Variants in DNAH14 observed in about 807,000 individuals in gnomAD.
DNAH14 encodes axonemal beta dynein heavy chain 14.
In DNAH14, 478 loss-of-function variants were observed where a neutral mutation model predicts 520.9. The ratio of observed to expected loss-of-function variants is 0.92; its 90% confidence interval spans 0.85 to 0.99. The LOEUF is 0.99. DNAH14 is among the 50% of genes least tolerant of loss of function. The pLI is 0.00. For synonymous variants in DNAH14, 1,581 were observed against 1,757.2 expected (o/e 0.90, Z 2.51); for missense variants, 4,831 against 5,234.5 (o/e 0.92, Z 2.38).
intron 43 of DNAH14, among the ~76,000 whole-genome samples, chr1:225,242,393 GT>G (rs2149647380): frequency 6.6e-6 from 1 of 151,960 alleles, no homozygotes; most frequent in African/African-American, 2.4e-5. Flanking sequence ...TCTTTATTCT[GT>G]TTTTATATTT....
chr1:225,290,664 T>C (rs1374118630), intron 55 of DNAH14, among the ~76,000 whole-genome samples: 1 of 108,380 alleles, frequency 9.2e-6, no homozygotes, highest in Non-Finnish European at 1.8e-5. Flanking sequence ...TATATATATA[T>C]ATATATATAT....
intron 6 of DNAH14, 141 bp downstream of exon 6, chr1:224,967,724 T>G (rs780170097): frequency 1.3e-6 from 2 of 1,569,650 alleles, no homozygotes; most frequent in South Asian, 1.2e-5. Flanking sequence ...AAGAATCTCC[T>G]TGGGAGCATG....
intron 35 of DNAH14, among the ~76,000 whole-genome samples, chr1:225,166,616 GC>G (rs2082068458): frequency 6.6e-6 from 1 of 152,132 alleles, no homozygotes; most frequent in African/African-American, 2.4e-5. Flanking sequence ...CTGTAGTTGT[GC>G]TATTTATACT....
In DNAH14 at chr1:225,381,590, A is replaced by G; in HGVS notation, c.13077+11A>G. ...CCTACATTGTGGCAGGTAAGCAATT[A>G]TTATTATTTCCTATTTTCTTGCTTG... On this transcript the variant is annotated intron_variant, in intron 81 of 85. Transcript: ENST00000682510. 5 of 1,494,110 alleles carry G rather than the reference A, an allele frequency of 3.3e-6. No individual in the cohort carries two copies. The highest frequency in any genetic ancestry group is 3.6e-6 in the Non-Finnish European group (4 of 1,119,848). 92.6% of individuals were successfully genotyped at this position (1,494,110 alleles called of 1,614,324 possible).
intron 74 of DNAH14, among the ~76,000 whole-genome samples, chr1:225,359,079 G>A (rs2095464665): frequency 6.6e-6 from 1 of 152,192 alleles, no homozygotes; most frequent in African/African-American, 2.4e-5. Context: ...TACAATATCA[G>A]CCAAGAGATA....
intron 3 of DNAH14, 79 bp from the exon 4 acceptor site, chr1:224,960,074 A>G: frequency 2.2e-6 from 3 of 1,345,202 alleles, no homozygotes; most frequent in South Asian, 1.6e-5. Flanking sequence ...CATTAACTGT[A>G]TTGCTGGGTA....
chr1:225,304,993 G>T lies in DNAH14; in HGVS notation c.8909G>T (p.Gly2970Val). ...DLNRKYFEETGRFYYTTPNSY... is the reference protein window; with the variant it reads ...DLNRKYFEETVRFYYTTPNSY... ...AACAGAAAATACTTTGAAGAAACTG[G>T]AAGATTTTATTATACCACTCCCAAT... The change falls in exon 58 of 86, where the codon GGA (glycine) becomes GTA (valine). Residue 2970 changes from glycine to valine, a missense_variant. Coordinates refer to ENST00000682510, the MANE Select transcript of DNAH14 (RefSeq NM_001367479.1). 1.3e-6 allele frequency: 2 copies of T among 1,547,346 alleles called. No homozygotes were observed. The highest frequency in any genetic ancestry group is 2.4e-5 in the South Asian group (2 of 82,234).
rs555019674 is a variant in DNAH14 at position 225,289,750 on chromosome 1, C to T, written c.8272-135C>T. 7 of 538,424 alleles carry T rather than the reference C, an allele frequency of 1.3e-5. No individual in the cohort carries two copies. In the South Asian group the frequency reaches 2.8e-4, roughly 21 times the overall value. 33.4% of individuals were successfully genotyped at this position (538,424 alleles called of 1,614,324 possible). On this transcript the variant is annotated intron_variant, in intron 54 of 85. Transcript: ENST00000682510. Reference sequence around the variant, plus strand: ...ATTTAAATTATGTTTAATATGACTCCCAAAAGGTTATAAATAAAAATAGTC... The same window carrying T: ...ATTTAAATTATGTTTAATATGACTCTCAAAAGGTTATAAATAAAAATAGTC...
chr1:225,202,354 C>T (rs976346643), intron 38 of DNAH14, among the ~76,000 whole-genome samples: 6 of 152,112 alleles, frequency 3.9e-5, no homozygotes, highest in Admixed American at 6.6e-5. Context: ...TCTCCTTGGG[C>T]GGGTCTTGCT....
chr1:225,248,000 C>CAGAGCA (rs947384072), intron 43 of DNAH14, among the ~76,000 whole-genome samples: 22 of 152,104 alleles, frequency 1.4e-4, no homozygotes, highest in African/African-American at 5.3e-4. Flanking sequence ...GCCTGGGTGA[C>CAGAGCA]AGAGCAAGAC....
intron 17 of DNAH14, among the ~76,000 whole-genome samples, chr1:225,063,806 T>A (rs1208994342): frequency 6.6e-6 from 1 of 150,398 alleles, no homozygotes; most frequent in Admixed American, 6.7e-5. Context: ...TGAAATCCAA[T>A]GAAAACGAAA....
chr1:225,322,698 G>C lies in DNAH14; in HGVS notation c.9370G>C (p.Val3124Leu). Residue 3124 changes from valine to leucine, a missense_variant, in exon 62 of 86, where the codon GTC (valine) becomes CTC (leucine). By Grantham distance (32) the Val-to-Leu change is conservative. Coordinates refer to ENST00000682510, the MANE Select transcript of DNAH14 (RefSeq NM_001367479.1). ...YTRPPFLVLTVMNAVCILLQK... is the reference protein window; with the variant it reads ...YTRPPFLVLTLMNAVCILLQK... Reference sequence around the variant, plus strand: ...ACGGCCTCCCTTCCTTGTACTGACTGTCATGAATGCAGTGTGTATTCTTCT... The same window carrying C: ...ACGGCCTCCCTTCCTTGTACTGACTCTCATGAATGCAGTGTGTATTCTTCT... The C allele has an allele frequency of 2.6e-6, 4 of 1,549,844 alleles. No homozygotes were observed. Among genetic ancestry groups the C allele is most frequent in the Non-Finnish European group, 3.5e-6 (4 of 1,145,556 alleles).
At chr1:225,153,929 C>T (rs1290123023) in intron 34 of DNAH14, 103 bp downstream of exon 34, 23 of 775,676 alleles carry the variant, frequency 3.0e-5, no homozygotes, top group Admixed American at 1.4e-4. Flanking sequence ...CAGGGAGCCC[C>T]GCAGACTGTC....
At chr1:224,932,694 C>T (rs1224137804) in intron 1 of DNAH14, among the ~76,000 whole-genome samples, 2 of 152,102 alleles carry the variant, frequency 1.3e-5, no homozygotes, top group Non-Finnish European at 2.9e-5. Context: ...GGTATGCTTT[C>T]TCCAATGTAG....
intron 43 of DNAH14, among the ~76,000 whole-genome samples, chr1:225,251,933 A>G (rs2092568613): frequency 6.6e-6 from 1 of 152,204 alleles, no homozygotes; most frequent in Non-Finnish European, 1.5e-5. Flanking sequence ...TATAATAGAA[A>G]GATAAGTGTG....
chr1:225,087,823 A>T (rs2073977941), intron 21 of DNAH14, among the ~76,000 whole-genome samples: 1 of 152,226 alleles, frequency 6.6e-6, no homozygotes, highest in African/African-American at 2.4e-5. Flanking sequence ...AATCAATGAC[A>T]CGTGAAACTG....
rs78389510 is a variant in DNAH14, at chr1:225,119,782, T to C, written c.4166+488T>C. ...ACCTCAGAGCGTGAACTTTCAAAAC[T>C]AACTTGACTAGAACTGTTATATTGT... On this transcript the variant is annotated intron_variant, in intron 26 of 85. Transcript: ENST00000682510. 9.6e-4 allele frequency among the ~76,000 whole-genome samples: 147 copies of C among 152,364 alleles called. 1 individual carries two copies. The East Asian group carries it at 0.026, about 27-fold the overall frequency.
chr1:225,266,537 A>G (rs1293204028), intron 48 of DNAH14, 104 bp from the exon 49 acceptor site: 1 of 839,670 alleles, frequency 1.2e-6, no homozygotes. Context: ...ACTCCATAGC[A>G]TAATATTCCT....
intron 60 of DNAH14, among the ~76,000 whole-genome samples, chr1:225,314,870 T>G (rs2094438706): frequency 6.6e-6 from 1 of 152,212 alleles, no homozygotes; most frequent in Non-Finnish European, 1.5e-5. Context: ...GCCTTTAACA[T>G]TTTTTCCTTC....
Sources: gnomAD v4.1 joint callset for allele counts (sites outside exome capture counted in the v4.1 genomes callset) on GRCh38, gnomAD v4.1.1 for gene constraint, MANE v1.5 for transcripts, NCBI Gene and HGNC (gene_info 2026-07-23, HGNC 2026-07-21) for gene names.